Variants in ZNF804B observed in about 807,000 individuals in gnomAD.
ZNF804B encodes the protein zinc finger 804B.
A neutral mutation model predicts 101.4 loss-of-function variants in ZNF804B; 80 were observed. The observed-to-expected ratio is 0.79, with a 90% CI of 0.66 to 0.95. The LOEUF is 0.95. Ranked by LOEUF, ZNF804B falls within the 40% of genes least tolerant of loss-of-function variation. ZNF804B has a pLI of 0.00. For synonymous variants in ZNF804B, 622 were observed against 558.8 expected (o/e 1.11, Z -1.59); for missense variants, 1,673 against 1,561.9 (o/e 1.07, Z -1.20).
intron 1 of ZNF804B, among the ~76,000 whole-genome samples, chr7:88,812,636 G>T (rs551542573): frequency 6.6e-6 from 1 of 152,222 alleles, no homozygotes; most frequent in African/African-American, 2.4e-5. Flanking sequence ...TGAATGAATT[G>T]ATTTAAAAAT....
intron 1 of ZNF804B, among the ~76,000 whole-genome samples, chr7:88,968,004 G>A (rs1196294903): frequency 4.0e-5 from 6 of 151,288 alleles, no homozygotes; most frequent in Non-Finnish European, 8.9e-5. Flanking sequence ...TGGGAATACA[G>A]GACACTTTTT....
At chr7:88,866,790 T>C (rs1039977863) in intron 1 of ZNF804B, among the ~76,000 whole-genome samples, 5 of 152,180 alleles carry the variant, frequency 3.3e-5, no homozygotes, top group African/African-American at 1.2e-4. Flanking sequence ...TGTTGAATAT[T>C]GATAGATAAT....
chr7:89,191,436 A>G (rs1788454135), intron 1 of ZNF804B, among the ~76,000 whole-genome samples: 1 of 152,100 alleles, frequency 6.6e-6, no homozygotes. Flanking sequence ...TAATAACACA[A>G]AATTGCCATC....
chr7:89,281,972 C>T (rs945442312), intron 2 of ZNF804B, among the ~76,000 whole-genome samples: 2 of 151,904 alleles, frequency 1.3e-5, no homozygotes, highest in African/African-American at 2.4e-5. Flanking sequence ...GAGGCCGAGG[C>T]GGGCGGATCA....
At chr7:88,916,987 G>A (rs1463913553) in intron 1 of ZNF804B, among the ~76,000 whole-genome samples, 1 of 152,014 alleles carries the variant, frequency 6.6e-6, no homozygotes, top group Non-Finnish European at 1.5e-5. Flanking sequence ...ATATTGGGCT[G>A]GGTGCGGTGG....
intron 3 of ZNF804B, among the ~76,000 whole-genome samples, chr7:89,332,556 G>A (rs1469828296): frequency 2.6e-5 from 4 of 151,760 alleles, no homozygotes; most frequent in African/African-American, 9.7e-5. Context: ...TATATAGATA[G>A]ACTGTTAAAG....
chr7:89,100,984 C>A (rs1790046590), intron 1 of ZNF804B, among the ~76,000 whole-genome samples: 1 of 151,850 alleles, frequency 6.6e-6, no homozygotes, highest in South Asian at 2.1e-4. Context: ...AACCTCTGTT[C>A]CATTGGAAAA....
At chr7:88,762,684 A>T (rs894818653) in intron 1 of ZNF804B, among the ~76,000 whole-genome samples, 1 of 151,606 alleles carries the variant, frequency 6.6e-6, no homozygotes, top group Non-Finnish European at 1.5e-5. Context: ...TCCTTAAAAA[A>T]ACATAGCTAC....
intron 2 of ZNF804B, among the ~76,000 whole-genome samples, chr7:89,308,091 A>G (rs1246035790): frequency 6.6e-6 from 1 of 152,146 alleles, no homozygotes; most frequent in Non-Finnish European, 1.5e-5. Context: ...AAAAAAAGTG[A>G]GTCTTCTGAG....
At chr7:89,072,797 T>C (rs1981532) in intron 1 of ZNF804B, among the ~76,000 whole-genome samples, 52,714 of 151,884 alleles carry the variant, frequency 0.35, 9,750 homozygotes, top group East Asian at 0.52. Flanking sequence ...AATAAAAAAA[T>C]GCAATGAAGA....
chr7:89,151,722 G>C (rs943705582), intron 1 of ZNF804B, among the ~76,000 whole-genome samples: 2 of 151,826 alleles, frequency 1.3e-5, no homozygotes, highest in African/African-American at 4.8e-5. Flanking sequence ...TAATTTTCCT[G>C]AAAGTGAGTG....
chr7:89,305,097 A>G (rs1280679413), intron 2 of ZNF804B, among the ~76,000 whole-genome samples: 1 of 152,008 alleles, frequency 6.6e-6, no homozygotes, highest in Non-Finnish European at 1.5e-5. Context: ...TGATTCTAAC[A>G]GCATTTATGT....
In ZNF804B at chr7:89,333,944, A is replaced by G. The variant is rs1288481485; in HGVS notation, c.962A>G (p.His321Arg). The G allele has an allele frequency of 6.2e-7, 1 of 1,613,594 alleles. No homozygotes were observed. Among genetic ancestry groups the G allele is most frequent in the South Asian group, 1.1e-5 (1 of 91,068 alleles). ...ACACTAGAAGATTCAATTGGCATTC[A>G]TGCTTCATTCTCTAAATCTAACATT... ...DETLEDSIGI[H>R]ASFSKSNIHL... Residue 321 changes from histidine (H) to arginine (R), a missense_variant, in exon 4 of 4, where the codon CAT (histidine) becomes CGT (arginine). Transcript: ENST00000333190.
intron 1 of ZNF804B, among the ~76,000 whole-genome samples, chr7:88,966,221 A>G (rs972426346): frequency 2.0e-5 from 3 of 151,582 alleles, no homozygotes; most frequent in African/African-American, 7.3e-5. Flanking sequence ...TTCCTAAACA[A>G]TATAGTGTTA....
chr7:89,040,118 A>C (rs1206944471), intron 1 of ZNF804B, among the ~76,000 whole-genome samples: 1 of 151,992 alleles, frequency 6.6e-6, no homozygotes, highest in East Asian at 1.9e-4. Context: ...TAGTGCATGC[A>C]TTGATGCATT....
chr7:89,251,157 T>C (rs1251298792), intron 2 of ZNF804B, among the ~76,000 whole-genome samples: 3 of 152,174 alleles, frequency 2.0e-5, no homozygotes, highest in African/African-American at 7.2e-5. Context: ...AAACCATCTC[T>C]TTTTGCTGAT....
intron 1 of ZNF804B, among the ~76,000 whole-genome samples, chr7:89,048,862 G>A (rs187624468): frequency 8.6e-5 from 13 of 151,978 alleles, no homozygotes; most frequent in African/African-American, 2.7e-4. Context: ...CCAAGGTCAA[G>A]TTTAAGGTAG....
At chr7:88,937,893 G>T (rs1467950739) in intron 1 of ZNF804B, among the ~76,000 whole-genome samples, 2 of 152,098 alleles carry the variant, frequency 1.3e-5, no homozygotes, top group Admixed American at 6.6e-5. Flanking sequence ...TAGACAAAAA[G>T]AATTGAACTG....
chr7:88,830,120 A>G (rs1791109830), intron 1 of ZNF804B, among the ~76,000 whole-genome samples: 1 of 152,112 alleles, frequency 6.6e-6, no homozygotes, highest in Admixed American at 6.6e-5. Context: ...AGAGAAAATA[A>G]TGCAAATGCT....
Sources: gnomAD v4.1 joint callset for allele counts (sites outside exome capture counted in the v4.1 genomes callset) on GRCh38, gnomAD v4.1.1 for gene constraint, MANE v1.5 for transcripts, NCBI Gene and HGNC (gene_info 2026-07-23, HGNC 2026-07-21) for gene names.